The following ZNF521 variants were observed in gnomAD, a reference collection of about 807,000 sequenced individuals.
ZNF521 encodes the protein zinc finger protein 521.
In ZNF521, 14 loss-of-function variants were observed where a neutral mutation model predicts 105.5. That is an observed-to-expected ratio of 0.13 (90% CI 0.09 to 0.21). The LOEUF (loss-of-function observed/expected upper bound fraction) is 0.21, where lower values mean the gene tolerates loss of function less well. Among genes scored for constraint, ZNF521 ranks in the 10% least tolerant of loss-of-function variants. ZNF521 has a pLI of 1.00. For synonymous variants in ZNF521, 635 were observed against 606.0 expected, an observed-to-expected ratio of 1.05 and a Z score of -0.70; for missense variants, 1,233 against 1,629.7, an observed-to-expected ratio of 0.76 and a Z score of 4.19.
chr18:25,282,738 T>C (rs1910456643), intron 3 of ZNF521, among the ~76,000 whole-genome samples: 1 of 152,068 alleles, frequency 6.6e-6, no homozygotes, highest in Admixed American at 6.6e-5. Flanking sequence ...ATTATTTTAG[T>C]AAAAAATCCT....
At chr18:25,130,761 A>ATGTT (rs2034625823) in intron 5 of ZNF521, among the ~76,000 whole-genome samples, 1 of 152,040 alleles carries the variant, frequency 6.6e-6, no homozygotes, top group Non-Finnish European at 1.5e-5. Flanking sequence ...TGGGCAACAT[A>ATGTT]GCGAGACCCC....
chr18:25,156,754 C>T (rs1020154717), intron 5 of ZNF521, among the ~76,000 whole-genome samples: 27 of 151,988 alleles, frequency 1.8e-4, no homozygotes, highest in Admixed American at 1.0e-3. Context: ...TTAAACACTA[C>T]TAAAAAGGTA....
At chr18:25,132,019 C>T (rs1057466946) in intron 5 of ZNF521, among the ~76,000 whole-genome samples, 2 of 152,100 alleles carry the variant, frequency 1.3e-5, no homozygotes, top group Non-Finnish European at 2.9e-5. Flanking sequence ...GTTACACATA[C>T]TTATTTGCCT....
chr18:25,240,816 A>G (rs1410106913), intron 3 of ZNF521, among the ~76,000 whole-genome samples: 3 of 152,046 alleles, frequency 2.0e-5, no homozygotes, highest in Non-Finnish European at 2.9e-5. Context: ...ACCCCATGGA[A>G]GCTGGTCTAA....
At chr18:25,303,305 TGTGTGAGAGAGA>T (rs1210554944) in intron 3 of ZNF521, among the ~76,000 whole-genome samples, 8 of 113,444 alleles carry the variant, frequency 7.1e-5, no homozygotes, top group African/African-American at 3.1e-4. Flanking sequence ...TGTGTGTGTG[TGTGTGAGAGAGA>T]GACGGAGTCT....
intron 5 of ZNF521, among the ~76,000 whole-genome samples, chr18:25,129,417 G>A (rs1034645916): frequency 5.3e-5 from 8 of 151,628 alleles, no homozygotes; most frequent in African/African-American, 1.9e-4. Context: ...TAGGTACCGG[G>A]TGTTTGGCAA....
chr18:25,189,959 G>A (rs1021666472), intron 5 of ZNF521, among the ~76,000 whole-genome samples: 8 of 152,126 alleles, frequency 5.3e-5, no homozygotes, highest in South Asian at 2.1e-4. Flanking sequence ...CATTACCTAC[G>A]TTAATATCAT....
At chr18:25,274,710 C>G (rs1568049313) in intron 3 of ZNF521, among the ~76,000 whole-genome samples, 2 of 152,134 alleles carry the variant, frequency 1.3e-5, no homozygotes, top group Non-Finnish European at 2.9e-5. Context: ...TGCATACTGC[C>G]AGGCATTCAA....
chr18:25,218,666 G>A (rs1334385288), intron 4 of ZNF521, among the ~76,000 whole-genome samples: 8 of 144,500 alleles, frequency 5.5e-5, no homozygotes, highest in East Asian at 2.0e-4. Context: ...AAAAAAACCC[G>A]TCTCTACTAA....
rs1047568583 is a variant in ZNF521, at chr18:25,246,172, T to A, written c.221-18475A>T. 2.6e-5 allele frequency among the ~76,000 whole-genome samples: 4 copies of A among 152,004 alleles called. No homozygotes were observed. The East Asian group carries it at 7.7e-4, about 29-fold the overall frequency. ...CACATCAACATGGCACATGTATACA[T>A]ATGTAACAAACCTGCACGTTGTGCA... On this transcript the variant is annotated intron_variant, in intron 3 of 7. Coordinates refer to ENST00000361524, the MANE Select transcript of ZNF521 (RefSeq NM_015461.3).
intron 3 of ZNF521, among the ~76,000 whole-genome samples, chr18:25,296,764 C>T (rs1171390353): frequency 6.6e-6 from 1 of 152,150 alleles, no homozygotes; most frequent in Non-Finnish European, 1.5e-5. Flanking sequence ...CATGTCTTGA[C>T]TATACATTTT....
chr18:25,259,032 T>G (rs1262888419), intron 3 of ZNF521, among the ~76,000 whole-genome samples: 1 of 152,194 alleles, frequency 6.6e-6, no homozygotes, highest in African/African-American at 2.4e-5. Flanking sequence ...ACCTAATATG[T>G]GCCTAAGAAC....
chr18:25,109,661 T>C (rs114552742), intron 5 of ZNF521, among the ~76,000 whole-genome samples: 500 of 152,362 alleles, frequency 3.3e-3, no homozygotes, highest in African/African-American at 0.012. Flanking sequence ...TGTAAGATGA[T>C]ACCTCATTGT....
At chr18:25,198,584 A>T (rs1309036127) in intron 4 of ZNF521, among the ~76,000 whole-genome samples, 1 of 151,852 alleles carries the variant, frequency 6.6e-6, no homozygotes, top group African/African-American at 2.4e-5. Flanking sequence ...ATTAAAAAAA[A>T]TCAGTGCATA....
intron 5 of ZNF521, among the ~76,000 whole-genome samples, chr18:25,186,612 G>A (rs1387047395): frequency 6.6e-6 from 1 of 152,098 alleles, no homozygotes. Flanking sequence ...AAGTTCAGTG[G>A]CCTCTGTTTA....
chr18:25,253,372 G>A (rs1908249826), intron 3 of ZNF521, among the ~76,000 whole-genome samples: 1 of 152,074 alleles, frequency 6.6e-6, no homozygotes, highest in Admixed American at 6.6e-5. Context: ...GGACATTACT[G>A]ATCTTGAAGG....
At chr18:25,241,045 T>C (rs1429824382) in intron 3 of ZNF521, among the ~76,000 whole-genome samples, 2 of 152,170 alleles carry the variant, frequency 1.3e-5, no homozygotes, top group East Asian at 1.9e-4. Context: ...AAACAGTTAT[T>C]AGGCGTCTCA....
Position 25,304,454 on chromosome 18 carries a change from G to T in ZNF521, c.220+17554C>A, listed in dbSNP as rs185606039. On this transcript the variant is annotated intron_variant, in intron 3 of 7. Transcript: ENST00000361524. ...AGGTTAGTAACTGACTTTACATTCG[G>T]TTTTTTGTGTGTGTGCAAACCTACA... is the stretch of plus-strand genomic sequence containing the variant. Among the ~76,000 whole-genome samples the T allele has an allele frequency of 4.0e-3, 616 of 152,232 alleles. 1 individual carries two copies. The highest frequency in any genetic ancestry group is 6.3e-3 in the Non-Finnish European group (427 of 68,018).
chr18:25,222,481 C>T (rs1216913348), intron 4 of ZNF521, among the ~76,000 whole-genome samples: 1 of 152,120 alleles, frequency 6.6e-6, no homozygotes, highest in Non-Finnish European at 1.5e-5. Context: ...GGCATATGCC[C>T]TTTCATAAAC....
Sources: gnomAD v4.1 joint callset for allele counts (sites outside exome capture counted in the v4.1 genomes callset) on GRCh38, gnomAD v4.1.1 for gene constraint, MANE v1.5 for transcripts, NCBI Gene and HGNC (gene_info 2026-07-23, HGNC 2026-07-21) for gene names.